CLVS1: variants seen among roughly 807,000 people sequenced by gnomAD.
CLVS1 encodes clavesin 1, also known as clavesin-1.
In CLVS1, 10 loss-of-function variants were observed where a neutral mutation model predicts 33.1. The ratio of observed to expected loss-of-function variants is 0.30; its 90% CI spans 0.19 to 0.51. The LOEUF (loss-of-function observed/expected upper bound fraction) is 0.51, where lower values mean the gene tolerates loss of function less well. CLVS1 is among the 20% of genes least tolerant of loss of function. The pLI is 0.97. For missense variants in CLVS1, 343 were observed against 433.4 expected, an observed-to-expected ratio of 0.79 and a Z score of 1.85; for synonymous variants, 163 against 166.1, an observed-to-expected ratio of 0.98 and a Z score of 0.14.
chr8:61,052,392 C>T (rs543892351), upstream of CLVS1, among the ~76,000 whole-genome samples: 1 of 152,246 alleles, frequency 6.6e-6, no homozygotes, highest in South Asian at 2.1e-4. Flanking sequence ...TGAAGGGCGA[C>T]AGGAATCCCC....
the CLVS1 span, among the ~76,000 whole-genome samples, chr8:61,022,658 G>A: frequency 6.6e-6 from 1 of 152,136 alleles, no homozygotes; most frequent in East Asian, 1.9e-4. Context: ...CATTTATCGT[G>A]AGAACAAGAG....
At chr8:61,362,761 C>G (rs983435496) in intron 2 of CLVS1, among the ~76,000 whole-genome samples, 7 of 152,170 alleles carry the variant, frequency 4.6e-5, no homozygotes, top group Admixed American at 6.6e-5. Flanking sequence ...AATTGCAAAT[C>G]CATCTGGAAG....
intron 5 of CLVS1, among the ~76,000 whole-genome samples, chr8:61,498,225 A>G (rs748094248): frequency 2.0e-5 from 3 of 152,148 alleles, no homozygotes; most frequent in Non-Finnish European, 4.4e-5. Context: ...TAAAGCCCAG[A>G]CATACAAAAC....
chr8:61,339,990 G>C (rs1305217345), intron 2 of CLVS1, among the ~76,000 whole-genome samples: 1 of 130,236 alleles, frequency 7.7e-6, no homozygotes, highest in Non-Finnish European at 1.6e-5. Flanking sequence ...AAGTGAAAAA[G>C]AGAAAATGAA....
intron 5 of CLVS1, among the ~76,000 whole-genome samples, chr8:61,489,788 G>A (rs180934744): frequency 1.7e-4 from 26 of 152,264 alleles, no homozygotes; most frequent in Admixed American, 1.7e-3. Context: ...TGTCAAACAA[G>A]GGTTACTGAG....
In CLVS1 at chr8:61,224,352, G is replaced by A. The variant is rs905990499; in HGVS notation, c.-151-75325G>A. 3.9e-5 allele frequency among the ~76,000 whole-genome samples: 6 copies of A among 152,250 alleles called. 1 individual carries two copies. In the East Asian group the frequency reaches 9.7e-4, roughly 25 times the overall value. On this transcript the variant is annotated intron_variant, in intron 2 of 2. Transcript: ENST00000522621. ...CTGCTGACTCTTGGATGGGGCTTTT[G>A]TGAGGGCCTTTTGTTGTTGTTGATG...
At chr8:61,037,732 C>T in the CLVS1 span, among the ~76,000 whole-genome samples, 22 of 152,322 alleles carry the variant, frequency 1.4e-4, no homozygotes, top group Non-Finnish European at 2.8e-4. Context: ...TCGCTATCTC[C>T]GAGTGCCAGG....
intron 1 of CLVS1, among the ~76,000 whole-genome samples, chr8:61,076,357 T>C (rs1265135156): frequency 2.0e-5 from 3 of 152,216 alleles, no homozygotes; most frequent in African/African-American, 7.2e-5. Flanking sequence ...TGTCTCTCCT[T>C]AGCCTTTTCC....
chr8:61,383,601 G>A (rs567997826), intron 3 of CLVS1, among the ~76,000 whole-genome samples: 2 of 152,268 alleles, frequency 1.3e-5, no homozygotes, highest in East Asian at 3.9e-4. Context: ...AGTGCATTAT[G>A]TTATGATATG....
intron 1 of CLVS1, among the ~76,000 whole-genome samples, chr8:61,107,021 T>C (rs1348043675): frequency 6.6e-6 from 1 of 152,172 alleles, no homozygotes; most frequent in Non-Finnish European, 1.5e-5. Context: ...TTTGGAGGGC[T>C]GTGTGGAAGC....
chr8:61,421,693 A>G (rs1307613192), intron 3 of CLVS1, among the ~76,000 whole-genome samples: 2 of 152,234 alleles, frequency 1.3e-5, no homozygotes, highest in East Asian at 3.8e-4. Flanking sequence ...CCACTTCCTT[A>G]TAGGACCAAC....
At chr8:61,345,439 C>T (rs1344378128) in intron 2 of CLVS1, among the ~76,000 whole-genome samples, 1 of 152,120 alleles carries the variant, frequency 6.6e-6, no homozygotes, top group Non-Finnish European at 1.5e-5. Context: ...GGCTGAAGGG[C>T]ATTTGGAAAG....
intron 1 of CLVS1, among the ~76,000 whole-genome samples, chr8:61,129,393 A>T (rs1029631380): frequency 6.6e-6 from 1 of 152,186 alleles, no homozygotes; most frequent in African/African-American, 2.4e-5. Flanking sequence ...TACCAGAGGG[A>T]TGGTCAGGCT....
chr8:61,144,097 A>C (rs906626467), intron 2 of CLVS1, among the ~76,000 whole-genome samples: 1 of 151,922 alleles, frequency 6.6e-6, no homozygotes, highest in Non-Finnish European at 1.5e-5. Context: ...CATGTGCAGA[A>C]CGTGCAGGTT....
chr8:61,016,245 C>A, the CLVS1 span, among the ~76,000 whole-genome samples: 1 of 152,166 alleles, frequency 6.6e-6, no homozygotes, highest in African/African-American at 2.4e-5. Context: ...TTCCAAAATC[C>A]CAAAACCCAG....
intron 2 of CLVS1, among the ~76,000 whole-genome samples, chr8:61,366,046 T>A (rs1343774738): frequency 6.6e-6 from 1 of 152,216 alleles, no homozygotes; most frequent in Admixed American, 6.5e-5. Context: ...TTTACTAGAA[T>A]AGACAAGCAT....
rs537541778 is a variant in CLVS1, at chr8:61,240,351, C to T, written c.-151-59326C>T. Among the ~76,000 whole-genome samples, 14 of 152,286 alleles carry T rather than the reference C, an allele frequency of 9.2e-5. No homozygotes were observed. In the East Asian group the frequency reaches 2.5e-3, roughly 27 times the overall value. On this transcript the variant is annotated intron_variant, in intron 2 of 2. Coordinates refer to the CLVS1 transcript ENST00000522621. ...GGCGGAGTTCATTCCTGACTTAGGG[C>T]CTCATCTAGTGTCAGTGCCTGGACT...
chr8:61,483,964 T>A (rs1803768138), intron 5 of CLVS1, among the ~76,000 whole-genome samples: 2 of 152,142 alleles, frequency 1.3e-5, no homozygotes, highest in African/African-American at 4.8e-5. Flanking sequence ...GAGCTATTTA[T>A]GAAAAACCCA....
At chr8:61,162,926 C>A (rs1323322143) in intron 2 of CLVS1, among the ~76,000 whole-genome samples, 1 of 152,150 alleles carries the variant, frequency 6.6e-6, no homozygotes, top group African/African-American at 2.4e-5. Flanking sequence ...GTCTGAAAGG[C>A]CTGGTAACCC....
Sources: gnomAD v4.1 joint callset for allele counts (sites outside exome capture counted in the v4.1 genomes callset) on GRCh38, gnomAD v4.1.1 for gene constraint, MANE v1.5 for transcripts, NCBI Gene and HGNC (gene_info 2026-07-23, HGNC 2026-07-21) for gene names.